The following MPDZ variants were observed in gnomAD, a reference collection of about 807,000 sequenced individuals.
MPDZ encodes the protein multiple PDZ domain protein.
MPDZ carries 234 observed loss-of-function variants against 239.1 expected under a neutral mutation model. That is an observed-to-expected ratio of 0.98 (90% CI 0.88 to 1.09). The LOEUF is 1.09. Ranked by LOEUF, MPDZ falls within the 50% of genes least tolerant of loss-of-function variation. The pLI, the probability that MPDZ is intolerant of heterozygous loss-of-function variation, is 0.00. For missense variants in MPDZ, 3,175 were observed against 2,510.0 expected, an observed-to-expected ratio of 1.26 and a Z score of -5.66; for synonymous variants, 1,048 against 881.3, an observed-to-expected ratio of 1.19 and a Z score of -3.35.
rs201275925 is a variant in MPDZ, at chr9:13,193,226, G to A, written c.1744C>T (p.Leu582=). ...TVGHHFIRSV[L]PEGPVGHSGK... ...CTGTGTCCAACAGGACCCTCTGGTA[G>A]AACAGATCGGATAAAATGATGTCCC... The change falls in exon 14 of 47, where the codon CTA becomes TTA. Residue 582 remains leucine (L), a synonymous_variant. Coordinates refer to ENST00000319217, the MANE Select transcript of MPDZ (RefSeq NM_001378778.1). The A allele has an allele frequency of 4.7e-5, 75 of 1,612,014 alleles. No homozygotes were observed. The highest frequency in any genetic ancestry group is 1.7e-4 in the Middle Eastern group (1 of 6,050).
intron 38 of MPDZ, 167 bp from the exon 39 acceptor site, chr9:13,119,816 A>AAT: frequency 2.9e-6 from 2 of 693,348 alleles, no homozygotes; most frequent in Non-Finnish European, 4.9e-6. Flanking sequence ...ATTTTTTGAT[A>AAT]AATAACAGCT....
Position 13,224,504 on chromosome 9 carries a change from A to T in MPDZ, c.263T>A (p.Leu88Gln). The change falls in exon 4 of 47, where the codon CTG becomes CAG. Residue 88 changes from leucine (L) to glutamine (Q), a missense_variant. By Grantham distance (113) the Leu-to-Gln change is moderately radical (BLOSUM62 -2). Coordinates refer to ENST00000319217, the MANE Select transcript of MPDZ (RefSeq NM_001378778.1). ...GGATAATAAAAACGATTCATTTTGC[A>T]GAGTAGGAATCACAGCTGGGCTGAG... ...PHLSPAVIPT[L>Q]QNESFLLSPN... is the part of the protein sequence containing the mutation. 2.5e-6 allele frequency: 4 copies of T among 1,612,866 alleles called. No individual in the cohort carries two copies. Among genetic ancestry groups the T allele is most frequent in the Non-Finnish European group, 2.5e-6 (3 of 1,179,230 alleles).
At chr9:13,245,268 G>A (rs1354804125) in intron 3 of MPDZ, among the ~76,000 whole-genome samples, 2 of 151,816 alleles carry the variant, frequency 1.3e-5, no homozygotes, top group Non-Finnish European at 2.9e-5. Flanking sequence ...CTCTAGTCAT[G>A]TAAGAAAGAA....
At chr9:13,246,014 A>C (rs768355610) in intron 3 of MPDZ, among the ~76,000 whole-genome samples, 3 of 151,162 alleles carry the variant, frequency 2.0e-5, no homozygotes, top group Non-Finnish European at 4.4e-5. Flanking sequence ...ATGTTTTCAC[A>C]TAACATATTA....
chr9:13,170,986 A>G (rs1194288250), intron 21 of MPDZ, among the ~76,000 whole-genome samples: 6 of 152,170 alleles, frequency 3.9e-5, no homozygotes, highest in Non-Finnish European at 5.9e-5. Context: ...CCCAAATCCC[A>G]AATCATGTGC....
intron 5 of MPDZ, 58 bp from the exon 6 acceptor site, chr9:13,222,504 G>A (rs1959186272): frequency 1.5e-6 from 2 of 1,342,964 alleles, no homozygotes; most frequent in African/African-American, 1.4e-5. Flanking sequence ...GGAAATGACA[G>A]CTTCTTTGGC....
At chr9:13,258,986 G>A (rs1221076715) in intron 1 of MPDZ, among the ~76,000 whole-genome samples, 2 of 152,018 alleles carry the variant, frequency 1.3e-5, no homozygotes, top group Admixed American at 1.3e-4. Context: ...TGGGGAGACC[G>A]AGGCAGGAGA....
At chr9:13,178,912 T>C (rs918771854) in intron 19 of MPDZ, among the ~76,000 whole-genome samples, 1 of 152,212 alleles carries the variant, frequency 6.6e-6, no homozygotes, top group Non-Finnish European at 1.5e-5. Flanking sequence ...GTAAATGAAA[T>C]GCTTTCTAGT....
chr9:13,253,054 T>C (rs1968523688), intron 1 of MPDZ, among the ~76,000 whole-genome samples: 2 of 152,198 alleles, frequency 1.3e-5, no homozygotes, highest in South Asian at 4.1e-4. Flanking sequence ...CTGACATACA[T>C]GGGAGGTAGA....
At chr9:13,164,946 T>A (rs374289700) in intron 22 of MPDZ, among the ~76,000 whole-genome samples, 1 of 151,394 alleles carries the variant, frequency 6.6e-6, no homozygotes, top group South Asian at 2.1e-4. Context: ...TATTTGAGAG[T>A]TGAATTAAAA....
intron 21 of MPDZ, among the ~76,000 whole-genome samples, chr9:13,173,119 G>C (rs754254590): frequency 6.6e-6 from 1 of 152,202 alleles, no homozygotes; most frequent in Admixed American, 6.5e-5. Flanking sequence ...CTGGTAGAGA[G>C]AGCAATGGGG....
intron 39 of MPDZ, among the ~76,000 whole-genome samples, chr9:13,116,094 A>T (rs1413943326): frequency 2.0e-5 from 3 of 152,156 alleles, no homozygotes. Flanking sequence ...TAGACTTATG[A>T]TATAAAATTT....
intron 27 of MPDZ, among the ~76,000 whole-genome samples, chr9:13,141,154 G>A (rs920127752): frequency 1.3e-4 from 19 of 150,028 alleles, no homozygotes; most frequent in African/African-American, 4.7e-4. Context: ...AAAAATAATT[G>A]CAGTTTTTGC....
chr9:13,150,240 C>G (rs1327684991), intron 25 of MPDZ, among the ~76,000 whole-genome samples: 1 of 151,748 alleles, frequency 6.6e-6, no homozygotes, highest in East Asian at 1.9e-4. Context: ...TATATCAAAA[C>G]ATATAATCTG....
chr9:13,279,611 G>T lies in MPDZ; in HGVS notation c.-269C>A, dbSNP rs1444511854. On this transcript the variant is annotated 5_prime_UTR_variant, in exon 1 of 47. Coordinates refer to ENST00000319217, the MANE Select transcript of MPDZ (RefSeq NM_001378778.1). ...CGCGGTGGCCCGACGCCAGCCTAGCGCTCCGCCGCGCCCCCTCCCCCAGCG... is the reference window on the plus strand; with the variant it reads ...CGCGGTGGCCCGACGCCAGCCTAGCTCTCCGCCGCGCCCCCTCCCCCAGCG... 2.7e-5 allele frequency: 4 copies of T among 149,430 alleles called. No individual in the cohort carries two copies. The highest frequency in any genetic ancestry group is 6.0e-5 in the Non-Finnish European group (4 of 67,156). The allele number at this position is 149,430 out of a possible 1,614,324, so 9.3% of individuals were successfully genotyped here.
Position 13,126,682 on chromosome 9 carries a change from T to C in MPDZ, c.4555A>G (p.Thr1519Ala). Residue 1519 changes from threonine (T) to alanine (A), a missense_variant and splice_region_variant, in exon 33 of 47, where the codon ACG becomes GCG. Physicochemically the swap from Thr to Ala is moderately conservative, Grantham distance 58 (BLOSUM62 0). Transcript: ENST00000319217. ...ACAGCAAGAAAGGTAAACCTCACCG[T>C]GGCTGCTACCCCATGCTCTGTTAAG... ...KSLTEHGVAATDGRLKVGDQI... is the reference protein window; with the variant it reads ...KSLTEHGVAAADGRLKVGDQI... 1 of 1,613,694 alleles carries C rather than the reference T, an allele frequency of 6.2e-7. No individual in the cohort carries two copies. The highest frequency in any genetic ancestry group is 8.5e-7 in the Non-Finnish European group (1 of 1,179,666).
Position 13,107,107 on chromosome 9 carries a change from G to T in MPDZ, c.6071C>A (p.Ala2024Glu). The change falls in exon 47 of 47, where the codon GCA becomes GAA. Residue 2024 changes from alanine (A) to glutamate (E), a missense_variant. Transcript: ENST00000319217. ...TTTCAGACGTCCGTCTTCAGAGGCT[G>T]CTCCCTGCAAATTATAAAGTAGACT... is the stretch of plus-strand genomic sequence containing the variant. ...IYVKTVFAKG[A>E]ASEDGRLKRG... The T allele has an allele frequency of 1.3e-6, 2 of 1,565,118 alleles. No homozygotes were observed. Among genetic ancestry groups the T allele is most frequent in the South Asian group, 1.2e-5 (1 of 86,026 alleles).
At chr9:13,126,823 T>C (rs1945196460) in intron 32 of MPDZ, 51 bp from the exon 33 acceptor site, 3 of 1,451,326 alleles carry the variant, frequency 2.1e-6, no homozygotes, top group Non-Finnish European at 2.9e-6. Flanking sequence ...AGATTAATTT[T>C]ATCCAAATGG....
At chr9:13,271,945 T>C (rs904115895) in intron 1 of MPDZ, among the ~76,000 whole-genome samples, 1 of 151,882 alleles carries the variant, frequency 6.6e-6, no homozygotes, top group Non-Finnish European at 1.5e-5. Flanking sequence ...CAAACTAATC[T>C]ACAGTGACAT....
Sources: gnomAD v4.1 joint callset for allele counts (sites outside exome capture counted in the v4.1 genomes callset) on GRCh38, gnomAD v4.1.1 for gene constraint, MANE v1.5 for transcripts, NCBI Gene and HGNC (gene_info 2026-07-23, HGNC 2026-07-21) for gene names.